The following CCDC6 variants were observed in gnomAD, a reference collection of about 807,000 sequenced individuals.
The protein encoded by CCDC6 is coiled-coil domain-containing protein 6.
CCDC6 carries 20 observed loss-of-function variants against 56.6 expected under a neutral mutation model. The ratio of observed to expected loss-of-function variants is 0.35; its 90% CI spans 0.25 to 0.51. The LOEUF (loss-of-function observed/expected upper bound fraction) is 0.51. Ranked by LOEUF, CCDC6 falls within the 20% of genes least tolerant of loss-of-function variation. CCDC6 has a pLI of 0.95. For synonymous variants in CCDC6, 241 were observed against 234.4 expected (o/e 1.03, Z -0.26); for missense variants, 367 against 601.1 (o/e 0.61, Z 4.07).
Position 59,832,515 on chromosome 10 carries a change from A to G in CCDC6, c.582+10T>C. On this transcript the variant is annotated intron_variant, in intron 3 of 8. Transcript: ENST00000263102. ...AAATACAATGTAAAGGAAGAGCTACAGGTGCTTACCTGTTCTAATGTAAGT... is the reference window on the plus strand; with the variant it reads ...AAATACAATGTAAAGGAAGAGCTACGGGTGCTTACCTGTTCTAATGTAAGT... The G allele has an allele frequency of 1.2e-6, 2 of 1,607,842 alleles. No individual in the cohort carries two copies. The highest frequency in any genetic ancestry group is 2.2e-5 in the East Asian group (1 of 44,756).
At position 59,906,486 on chromosome 10, in the gene CCDC6, G is replaced by A; in HGVS notation, c.-62C>T. 1.5e-6 allele frequency: 2 copies of A among 1,375,310 alleles called. No homozygotes were observed. Among genetic ancestry groups the A allele is most frequent in the Non-Finnish European group, 1.9e-6 (2 of 1,058,550 alleles). The allele number at this position is 1,375,310 out of a possible 1,614,324, so 85.2% of individuals were successfully genotyped here. ...GGGAGGCGGCGGCGACGAAGGCCGGGCTGCGAATGAGTGGGCGCCGGGCGA... is the reference window on the plus strand; with the variant it reads ...GGGAGGCGGCGGCGACGAAGGCCGGACTGCGAATGAGTGGGCGCCGGGCGA... On this transcript the variant is annotated 5_prime_UTR_variant, in exon 1 of 9. Transcript: ENST00000263102.
chr10:59,825,658 A>C (rs1242572353), intron 3 of CCDC6, among the ~76,000 whole-genome samples: 1 of 152,212 alleles, frequency 6.6e-6, no homozygotes, highest in Non-Finnish European at 1.5e-5. Context: ...CTACTAAAAC[A>C]AGTGGCATCA....
chr10:59,872,788 G>A lies in CCDC6; in HGVS notation c.304-20086C>T, dbSNP rs906380644. The stretch of plus-strand genomic sequence containing the variant: ...AGGATAACTTTCCAGATGGGGGGGT[G>A]GGGGAAGGTAACAACATTAGAAAGT... On this transcript the variant is annotated intron_variant, in intron 1 of 8. Transcript: ENST00000263102. 4.1e-3 allele frequency among the ~76,000 whole-genome samples: 169 copies of A among 41,410 alleles called. 3 individuals are homozygous for A. The highest frequency in any genetic ancestry group is 7.6e-3 in the African/African-American group (142 of 18,788). 27.2% of individuals were successfully genotyped at this position (41,410 alleles called of 152,430 possible).
At chr10:59,820,768 T>C (rs2070743598) in intron 3 of CCDC6, among the ~76,000 whole-genome samples, 1 of 132,558 alleles carries the variant, frequency 7.5e-6, no homozygotes. Context: ...AACGAATGAA[T>C]GAACGAATGA....
intron 2 of CCDC6, among the ~76,000 whole-genome samples, chr10:59,839,543 C>A (rs1236246306): frequency 6.6e-6 from 1 of 152,168 alleles, no homozygotes; most frequent in African/African-American, 2.4e-5. Context: ...CCCTGTTTCT[C>A]TTCCTGTTTA....
At chr10:59,881,381 G>C (rs1181951326) in intron 1 of CCDC6, among the ~76,000 whole-genome samples, 2 of 152,100 alleles carry the variant, frequency 1.3e-5, no homozygotes, top group African/African-American at 4.8e-5. Context: ...AAAAGAAACT[G>C]TTGGGGCTTC....
chr10:59,863,362 A>G (rs1244644167), intron 1 of CCDC6, among the ~76,000 whole-genome samples: 2 of 152,384 alleles, frequency 1.3e-5, no homozygotes, highest in East Asian at 1.9e-4. Context: ...CGTTATAAAT[A>G]TAACTTGGTG....
chr10:59,893,520 G>A (rs924382544), intron 1 of CCDC6, among the ~76,000 whole-genome samples: 3 of 152,102 alleles, frequency 2.0e-5, no homozygotes, highest in East Asian at 1.9e-4. Context: ...TGGGAAGATC[G>A]CTTTGAGCCC....
chr10:59,862,570 T>TACACACAC (rs907275659), intron 1 of CCDC6, among the ~76,000 whole-genome samples: 5 of 96,408 alleles, frequency 5.2e-5, no homozygotes, highest in Admixed American at 1.1e-4. Context: ...TATATACACA[T>TACACACAC]ACACACACAC....
intron 2 of CCDC6, among the ~76,000 whole-genome samples, chr10:59,840,842 G>A (rs142671892): frequency 6.6e-6 from 1 of 152,152 alleles, no homozygotes; most frequent in African/African-American, 2.4e-5. Context: ...AGAATCCAAA[G>A]TTTACCATCT....
At chr10:59,869,430 A>AAG in intron 1 of CCDC6, among the ~76,000 whole-genome samples, 1 of 9,086 alleles carries the variant, frequency 1.1e-4, no homozygotes, top group Non-Finnish European at 1.9e-4. Context: ...CAGAAAAAAG[A>AAG]AAAAAAAAAA....
At chr10:59,825,611 G>T (rs571805230) in intron 3 of CCDC6, among the ~76,000 whole-genome samples, 4 of 152,282 alleles carry the variant, frequency 2.6e-5, no homozygotes, top group Non-Finnish European at 5.9e-5. Context: ...AGGACACAAA[G>T]ATTATCTGTA....
chr10:59,794,798 T>C (rs939597739), intron 7 of CCDC6, among the ~76,000 whole-genome samples: 6 of 151,896 alleles, frequency 4.0e-5, no homozygotes, highest in Non-Finnish European at 8.8e-5. Context: ...AGCCCAGAAA[T>C]AAACTCACAC....
chr10:59,829,691 A>C (rs1307937647), intron 3 of CCDC6, among the ~76,000 whole-genome samples: 3 of 152,210 alleles, frequency 2.0e-5, no homozygotes, highest in Non-Finnish European at 2.9e-5. Context: ...ATTTACATGA[A>C]ATGTCCAGAA....
intron 3 of CCDC6, among the ~76,000 whole-genome samples, chr10:59,828,352 C>A (rs1325896468): frequency 1.3e-5 from 2 of 152,152 alleles, no homozygotes; most frequent in African/African-American, 4.8e-5. Flanking sequence ...AAAGACCACA[C>A]AATTTTACAT....
intron 4 of CCDC6, 47 bp downstream of exon 4, chr10:59,814,599 AACACAC>A (rs111613433): frequency 8.4e-5 from 78 of 926,928 alleles, no homozygotes; most frequent in Non-Finnish European, 1.2e-4. Flanking sequence ...CCAGAGCAGC[AACACAC>A]ACACACACAC....
intron 7 of CCDC6, among the ~76,000 whole-genome samples, chr10:59,797,527 G>A (rs981881402): frequency 1.6e-5 from 2 of 126,358 alleles, no homozygotes; most frequent in Non-Finnish European, 3.2e-5. Flanking sequence ...GTCAAAAGAT[G>A]TATCAACAAT....
chr10:59,880,235 A>C (rs1465978145), intron 1 of CCDC6, among the ~76,000 whole-genome samples: 1 of 152,106 alleles, frequency 6.6e-6, no homozygotes, highest in Non-Finnish European at 1.5e-5. Flanking sequence ...AGAGGACCAC[A>C]TTTTCCAATT....
At chr10:59,828,069 CAAGT>C (rs759266649) in intron 3 of CCDC6, among the ~76,000 whole-genome samples, 14 of 152,114 alleles carry the variant, frequency 9.2e-5, no homozygotes, top group Admixed American at 2.0e-4. Context: ...TAATGCTAGA[CAAGT>C]AAGGAAAATT....
Sources: allele counts gnomAD v4.1 joint callset (sites outside exome capture counted in the v4.1 genomes callset), GRCh38; gene constraint gnomAD v4.1.1; transcripts MANE v1.5; gene names NCBI Gene and HGNC (gene_info 2026-07-23, HGNC 2026-07-21).